The following CBX2 variants were observed in gnomAD, a reference collection of about 807,000 sequenced individuals.
CBX2 encodes chromobox protein homolog 2.
CBX2 carries 11 observed loss-of-function variants against 21.0 expected under a neutral mutation model. That is an observed-to-expected ratio of 0.52 (90% CI 0.33 to 0.87). The LOEUF is 0.87. CBX2 is among the 40% of genes least tolerant of loss of function. The probability of loss-of-function intolerance (pLI) is 0.02; values close to 1 mark genes in which losing one functional copy is unlikely to be tolerated. For missense variants in CBX2, 746 were observed against 724.3 expected (o/e 1.03, Z -0.34); for synonymous variants, 364 against 304.6 (o/e 1.19, Z -2.03).
rs1907416657 is a variant in CBX2 at position 79,783,848 on chromosome 17, G to A, written c.405G>A (p.Arg135=). The change falls in exon 5 of 5, where the codon CGG becomes CGA. Residue 135 remains arginine (R), a synonymous_variant. Coordinates refer to ENST00000310942, the MANE Select transcript of CBX2 (RefSeq NM_005189.3). ...DSDLDAKRGP[R]GRETHPVPQK... ...ACTTAGATGCTAAGAGGGGTCCCCG[G>A]GGCCGCGAGACCCACCCAGTGCCGC... 1.9e-6 allele frequency: 3 copies of A among 1,613,328 alleles called. No homozygotes were observed. The highest frequency in any genetic ancestry group is 2.2e-5 in the South Asian group (2 of 91,046).
rs1235402168 is a variant in CBX2 at position 79,778,679 on chromosome 17, C to T, written c.116+252C>T. On this transcript the variant is annotated intron_variant, in intron 2 of 4. Coordinates refer to ENST00000310942, the MANE Select transcript of CBX2 (RefSeq NM_005189.3). The surrounding 1 kb of genome is among the most constrained non-coding windows in gnomAD (Gnocchi z 4.8). ...GCCAGAACCTCCTCGGCTGCCGCGC[C>T]GCGCTCCCCCCAACCCCCGTCCCGG... Among the ~76,000 whole-genome samples the T allele has an allele frequency of 6.6e-6, 1 of 152,138 alleles. No individual in the cohort carries two copies. The highest frequency in any genetic ancestry group is 1.5e-5 in the Non-Finnish European group (1 of 67,986).
At chr17:79,777,725 G>T (rs1267132224), upstream of CBX2, among the ~76,000 whole-genome samples, 19 of 152,026 alleles carry the variant, frequency 1.2e-4, no homozygotes, top group African/African-American at 4.1e-4. Context: ...AGCGCCCCTC[G>T]AAGGCGGGGG....
Position 79,778,495 on chromosome 17 carries a change from C to T in CBX2, c.116+68C>T, listed in dbSNP as rs1490276464. The T allele has an allele frequency of 1.9e-5, 21 of 1,089,388 alleles. No homozygotes were observed. The highest frequency in any genetic ancestry group is 2.4e-5 in the Non-Finnish European group (19 of 791,374). 67.5% of individuals were successfully genotyped at this position (1,089,388 alleles called of 1,614,324 possible). A position where few individuals can be genotyped will look rare whatever the true frequency, so the allele number is the denominator to read the frequency against. ...CCGGGGGTGGGGACGTGGAGCCCCT[C>T]GGCCGCGCCGTCCGGTGGCCTGGGG... On this transcript the variant is annotated intron_variant, in intron 2 of 4. Coordinates refer to ENST00000310942, the MANE Select transcript of CBX2 (RefSeq NM_005189.3). This position sits in a 1 kb window ranked among gnomAD's most constrained non-coding sequence, Gnocchi z 4.8.
At chr17:79,778,146 G>T, upstream of CBX2, 1 of 591,564 alleles carries the variant, frequency 1.7e-6, no homozygotes, top group Non-Finnish European at 2.2e-6. This position sits in a 1 kb window ranked among gnomAD's most constrained non-coding sequence, Gnocchi z 4.8. Flanking sequence ...CCGGGCGGGG[G>T]CGGTGCTTTG....
In CBX2 at chr17:79,781,814, G is replaced by T; in HGVS notation, c.288+13G>T. 6.2e-7 allele frequency: 1 copy of T among 1,613,980 alleles called. No individual in the cohort carries two copies. Among genetic ancestry groups the T allele is most frequent in the Non-Finnish European group, 8.5e-7 (1 of 1,179,892 alleles). The stretch of plus-strand genomic sequence containing the variant: ...CTCCAAGCTCAAGGTGGGTGGCTGC[G>T]CTGGGTATGCTGACCCCACCTCCCA... On this transcript the variant is annotated intron_variant, in intron 4 of 4. Transcript: ENST00000310942.
rs984377829 is a variant in CBX2, at chr17:79,782,492, C to T, written c.288+691C>T. The T allele has an allele frequency of 3.3e-5, 39 of 1,189,810 alleles. No homozygotes were observed. In the Admixed American group the frequency reaches 7.5e-4, roughly 23 times the overall value. The allele number at this position is 1,189,810 out of a possible 1,614,324, so 73.7% of individuals were successfully genotyped here. ...GGGGGAGGAGGGCCTGGCCTCAGTC[C>T]CGGGTGTGGCTTTGATTCCCTCCTC... On this transcript the variant is annotated intron_variant, in intron 4 of 4. Transcript: ENST00000310942.
rs1377005127 is a variant in CBX2 at position 79,778,364 on chromosome 17, C to T, written c.73-20C>T. On this transcript the variant is annotated intron_variant, in intron 1 of 4. Transcript: ENST00000310942. This position sits in a 1 kb window ranked among gnomAD's most constrained non-coding sequence, Gnocchi z 4.8. ...CGCCCGCTGTCCGTCTGGCTCACGG[C>T]CCCTCTTCTCTCCCCGCAGGGCAAG... is the stretch of plus-strand genomic sequence containing the variant. 5 of 1,583,804 alleles carry T rather than the reference C, an allele frequency of 3.2e-6. No individual in the cohort carries two copies. The highest frequency in any genetic ancestry group is 2.6e-6 in the Non-Finnish European group (3 of 1,170,054).
Position 79,784,001 on chromosome 17 carries a change from G to GA in CBX2, c.560dup (p.Thr188AspfsTer57), listed in dbSNP as rs1907430390. 6.2e-7 allele frequency: 1 copy of GA among 1,613,352 alleles called. No individual in the cohort carries two copies. Among genetic ancestry groups the GA allele is most frequent in the Non-Finnish European group, 8.5e-7 (1 of 1,180,024 alleles). On this transcript the variant is annotated frameshift_variant, in exon 5 of 5. Transcript: ENST00000310942. LOFTEE classifies it low-confidence loss of function (END_TRUNC). This position sits in a 1 kb window ranked among gnomAD's most constrained non-coding sequence, Gnocchi z 5.9. Reference sequence around the variant, plus strand: ...GACCCGTGAGCCTGGCCAAGGTGCTGAAGACCGCCCGGAAGGATCTGGGGG... The same window carrying GA: ...GACCCGTGAGCCTGGCCAAGGTGCTGAAAGACCGCCCGGAAGGATCTGGGGG...
chr17:79,782,518 C>G, intron 4 of CBX2: 9 of 1,167,628 alleles, frequency 7.7e-6, no homozygotes, highest in Non-Finnish European at 9.6e-6. Flanking sequence ...TTCCCTCCTC[C>G]GGGCACTGTC....
In CBX2 at chr17:79,783,944, G is replaced by C. The variant is rs782751018; in HGVS notation, c.501G>C (p.Lys167Asn). The change falls in exon 5 of 5, where the codon AAG (lysine) becomes AAC (asparagine). Residue 167 changes from lysine (K) to asparagine (N), a missense_variant. Physicochemically the swap from Lys to Asn is moderately conservative, Grantham distance 94. Around this residue, in one of 2 missense-constraint regions of CBX2, gnomAD observed 701 missense variants for 650.7 expected, o/e 1.08. Coordinates refer to ENST00000310942, the MANE Select transcript of CBX2 (RefSeq NM_005189.3). ...KDPIRKKRGR[K>N]PLPPEQKATR... Reference sequence around the variant, plus strand: ...CCATCCGGAAGAAGCGGGGACGAAAGCCCCTGCCCCCAGAGCAAAAGGCAA... The same window carrying C: ...CCATCCGGAAGAAGCGGGGACGAAACCCCCTGCCCCCAGAGCAAAAGGCAA... 6.2e-7 allele frequency: 1 copy of C among 1,613,958 alleles called. No individual in the cohort carries two copies. The highest frequency in any genetic ancestry group is 8.5e-7 in the Non-Finnish European group (1 of 1,180,042).
Position 79,784,651 on chromosome 17 carries a change from C to G in CBX2, c.1208C>G (p.Thr403Ser), listed in dbSNP as rs781907844. ...GGCCTCATTGGGGCCAGCGGGGCCA[C>G]CATGCCCACCGACACAAGCAAAAGT... ...GSGLIGASGA[T>S]MPTDTSKSEK... Residue 403 changes from threonine (T) to serine (S), a missense_variant, in exon 5 of 5, where the codon ACC (threonine) becomes AGC (serine). By Grantham distance (58) the Thr-to-Ser change is moderately conservative. Transcript: ENST00000310942. This position sits in a 1 kb window ranked among gnomAD's most constrained non-coding sequence, Gnocchi z 5.9. The G allele has an allele frequency of 1.2e-6, 2 of 1,612,398 alleles. No homozygotes were observed. The highest frequency in any genetic ancestry group is 3.3e-5 in the Admixed American group (2 of 60,000).
chr17:79,782,471 G>A (rs1555830658), intron 4 of CBX2: 5 of 1,234,664 alleles, frequency 4.0e-6, no homozygotes, highest in African/African-American at 3.1e-5. Context: ...CAGGATGGGG[G>A]AGGAGGGCCT....
intron 2 of CBX2, among the ~76,000 whole-genome samples, chr17:79,779,002 G>A (rs1418845319): frequency 6.6e-6 from 1 of 152,172 alleles, no homozygotes; most frequent in Non-Finnish European, 1.5e-5. Context: ...TGCTGGACCT[G>A]CCTTCCCTTC....
chr17:79,786,749 G>T lies in CBX2; in HGVS notation c.*1707G>T, dbSNP rs1165983315. 1 of 152,684 alleles carries T rather than the reference G, an allele frequency of 6.5e-6. No homozygotes were observed. The highest frequency in any genetic ancestry group is 6.5e-5 in the Admixed American group (1 of 15,290). 9.5% of individuals were successfully genotyped at this position (152,684 alleles called of 1,614,324 possible). On this transcript the variant is annotated 3_prime_UTR_variant, in exon 5 of 5. Coordinates refer to ENST00000310942, the MANE Select transcript of CBX2 (RefSeq NM_005189.3). ...ATAGGGAGGCACTCCTGATTCCATG[G>T]AGCAGCCCGGACTTTGAGAATGGGC...
chr17:79,782,018 G>C, intron 4 of CBX2: 2 of 1,614,056 alleles, frequency 1.2e-6, no homozygotes, highest in South Asian at 2.2e-5. Flanking sequence ...GCCCCTCCCA[G>C]GGGCTTCCTG....
intron 4 of CBX2, chr17:79,782,006 C>T: frequency 6.2e-7 from 1 of 1,614,098 alleles, no homozygotes; most frequent in Admixed American, 1.7e-5. Flanking sequence ...GAGTTCCTCC[C>T]CGCCCCTCCC....
At position 79,785,885 on chromosome 17, in the gene CBX2, G is replaced by C. The variant is rs1282736845; in HGVS notation, c.*843G>C. On this transcript the variant is annotated 3_prime_UTR_variant, in exon 5 of 5. Transcript: ENST00000310942. ...ATGGCTGCCACCCTCCCTCCTGCCT[G>C]TGTCCCAGTGAGAACTGACCTGAGT... The C allele has an allele frequency of 2.6e-5, 4 of 152,442 alleles. No homozygotes were observed. Among genetic ancestry groups the C allele is most frequent in the Non-Finnish European group, 5.9e-5 (4 of 68,230 alleles). 9.4% of individuals were successfully genotyped at this position (152,442 alleles called of 1,614,324 possible). A position where few individuals can be genotyped will look rare whatever the true frequency, so the allele number is the denominator to read the frequency against.
In CBX2 at chr17:79,781,681, G is replaced by C. The variant is rs1907212511; in HGVS notation, c.183-15G>C. 6.2e-7 allele frequency: 1 copy of C among 1,607,976 alleles called. No individual in the cohort carries two copies. Among genetic ancestry groups the C allele is most frequent in the Non-Finnish European group, 8.5e-7 (1 of 1,174,614 alleles). On this transcript the variant is annotated splice_polypyrimidine_tract_variant and intron_variant, in intron 3 of 4. Coordinates refer to ENST00000310942, the MANE Select transcript of CBX2 (RefSeq NM_005189.3). ...CACAGGGCTTCTCCCCCATTAACTA[G>C]TGGTGTGCCTTCAGGGAACATGAGA... is the stretch of plus-strand genomic sequence containing the variant.
intron 3 of CBX2, chr17:79,779,735 G>A: frequency 2.4e-6 from 1 of 419,080 alleles, no homozygotes; most frequent in South Asian, 2.4e-5. Flanking sequence ...AGATGTTATA[G>A]CTTCTCTTGG....
Sources: gnomAD v4.1 joint callset for allele counts (sites outside exome capture counted in the v4.1 genomes callset) on GRCh38, gnomAD v4.1.1 for gene constraint, gnomAD v4.1.1 regional missense constraint, Gnocchi (gnomAD v3.1) non-coding constraint, MANE v1.5 for transcripts, NCBI Gene and HGNC (gene_info 2026-07-23, HGNC 2026-07-21) for gene names.